SNX8: variants seen among roughly 807,000 people sequenced by gnomAD.
SNX8 encodes sorting nexin-8.
SNX8 carries 25 observed loss-of-function variants against 51.6 expected under a neutral mutation model. That is an observed-to-expected ratio of 0.48 (90% CI 0.35 to 0.68). SNX8 has a LOEUF of 0.68. Among genes scored for constraint, SNX8 ranks in the 30% least tolerant of loss-of-function variants. The probability of loss-of-function intolerance (pLI) is 0.00; values close to 1 mark genes in which losing one functional copy is unlikely to be tolerated. For missense variants in SNX8, 695 were observed against 624.0 expected (o/e 1.11, Z -1.21); for synonymous variants, 324 against 277.0 (o/e 1.17, Z -1.68).
chr7:2,272,201 C>A (rs7793514), intron 3 of SNX8, among the ~76,000 whole-genome samples: 4,532 of 152,238 alleles, frequency 0.03, 209 homozygotes, highest in African/African-American at 0.1. Context: ...GGTCCAGGAG[C>A]TGCCAAGGAA....
At chr7:2,313,053 G>A (rs557167960) in intron 1 of SNX8, among the ~76,000 whole-genome samples, 11 of 151,812 alleles carry the variant, frequency 7.2e-5, no homozygotes, top group South Asian at 2.1e-4. Flanking sequence ...GCCCGCCACC[G>A]CGCCTGGCTA....
At chr7:2,342,935 G>C (rs992874153) in intron 1 of SNX8, among the ~76,000 whole-genome samples, 7 of 151,718 alleles carry the variant, frequency 4.6e-5, no homozygotes, top group Non-Finnish European at 1.0e-4. Context: ...CAATTCTCCT[G>C]CCTCAGGCGC....
At chr7:2,298,855 C>G (rs1179405256) in intron 1 of SNX8, among the ~76,000 whole-genome samples, 2 of 151,028 alleles carry the variant, frequency 1.3e-5, no homozygotes, top group Non-Finnish European at 2.9e-5. Flanking sequence ...CCACGCCTAG[C>G]TAATTTTTTG....
intron 1 of SNX8, among the ~76,000 whole-genome samples, chr7:2,345,384 G>C (rs754922621): frequency 6.6e-6 from 1 of 152,082 alleles, no homozygotes; most frequent in Non-Finnish European, 1.5e-5. Context: ...AAATAAAACT[G>C]AGGAAATCTG....
At chr7:2,259,666 G>A (rs77610730) in intron 7 of SNX8, among the ~76,000 whole-genome samples, 1,947 of 152,328 alleles carry the variant, frequency 0.013, 23 homozygotes, top group South Asian at 0.038. Flanking sequence ...AGTAAAATGT[G>A]CCAGGAGAAG....
In SNX8 at chr7:2,278,314, G is replaced by A; in HGVS notation, c.95-9C>T. On this transcript the variant is annotated splice_polypyrimidine_tract_variant and intron_variant, in intron 1 of 10. Coordinates refer to ENST00000222990, the MANE Select transcript of SNX8 (RefSeq NM_013321.4). ...CTGGGGTGTCGGCAGATCTGCAGGGGAGATGGTGAATGACCAGTGAGAATA... is the reference window on the plus strand; with the variant it reads ...CTGGGGTGTCGGCAGATCTGCAGGGAAGATGGTGAATGACCAGTGAGAATA... 7 of 1,504,126 alleles carry A rather than the reference G, an allele frequency of 4.7e-6. No homozygotes were observed. The highest frequency in any genetic ancestry group is 6.4e-6 in the Non-Finnish European group (7 of 1,097,168). The allele number at this position is 1,504,126 out of a possible 1,614,324, so 93.2% of individuals were successfully genotyped here.
intron 1 of SNX8, among the ~76,000 whole-genome samples, chr7:2,284,101 T>C (rs1795968035): frequency 6.6e-6 from 1 of 152,102 alleles, no homozygotes; most frequent in African/African-American, 2.4e-5. Flanking sequence ...GGCTAATTTT[T>C]GTATTTTTAG....
chr7:2,346,301 T>C (rs566558192), intron 1 of SNX8, among the ~76,000 whole-genome samples: 6 of 151,636 alleles, frequency 4.0e-5, no homozygotes, highest in East Asian at 1.9e-4. Context: ...AGAAAACTAG[T>C]TGGGTATGGT....
chr7:2,343,612 T>C (rs1242939005), intron 1 of SNX8, among the ~76,000 whole-genome samples: 1 of 151,884 alleles, frequency 6.6e-6, no homozygotes, highest in South Asian at 2.1e-4. Flanking sequence ...GAGGCGGAGC[T>C]TGCAGTGAGC....
intron 7 of SNX8, among the ~76,000 whole-genome samples, chr7:2,258,852 A>T (rs991518441): frequency 3.3e-5 from 5 of 152,292 alleles, no homozygotes; most frequent in Admixed American, 6.5e-5. Context: ...GTGAGTGCAC[A>T]GCAAACGGCG....
chr7:2,266,666 C>CT (rs1043623373), intron 5 of SNX8, among the ~76,000 whole-genome samples: 2 of 151,424 alleles, frequency 1.3e-5, no homozygotes, highest in South Asian at 2.1e-4. Context: ...GTTTGTTTTG[C>CT]TTTTTTTTGT....
At position 2,255,160 on chromosome 7, in the gene SNX8, C is replaced by A; in HGVS notation, c.1294G>T (p.Val432Leu). The A allele has an allele frequency of 6.5e-7, 1 of 1,545,446 alleles. No homozygotes were observed. The highest frequency in any genetic ancestry group is 1.9e-5 in the Admixed American group (1 of 51,372). ...QIQGHKEMSK[V>L]WNDLRPKLSC... ...AGCTTGGGCCTCAGGTCGTTCCACA[C>A]CTTGCTCATCTGAAAGGGAAGCGAA... The change falls in exon 11 of 11, where the codon GTG becomes TTG. Residue 432 changes from valine to leucine, a missense_variant. By Grantham distance (32) the Val-to-Leu change is conservative. Coordinates refer to ENST00000222990, the MANE Select transcript of SNX8 (RefSeq NM_013321.4).
intron 1 of SNX8, among the ~76,000 whole-genome samples, chr7:2,328,493 T>C (rs1022581374): frequency 2.0e-5 from 3 of 149,984 alleles, no homozygotes; most frequent in African/African-American, 4.9e-5. Flanking sequence ...TGCCCAACCA[T>C]TGAATGCTTT....
chr7:2,282,848 A>G (rs1275214088), intron 1 of SNX8, among the ~76,000 whole-genome samples: 1 of 152,048 alleles, frequency 6.6e-6, no homozygotes, highest in Non-Finnish European at 1.5e-5. Flanking sequence ...ATGGCCAGGC[A>G]TGGTGGCTCA....
chr7:2,335,318 G>A (rs1778807097), intron 1 of SNX8, among the ~76,000 whole-genome samples: 1 of 152,144 alleles, frequency 6.6e-6, no homozygotes, highest in Non-Finnish European at 1.5e-5. Flanking sequence ...GTAAAAAGGG[G>A]CAAACTACAG....
At chr7:2,289,171 G>A (rs544434381) in intron 1 of SNX8, among the ~76,000 whole-genome samples, 3 of 152,198 alleles carry the variant, frequency 2.0e-5, no homozygotes, top group African/African-American at 4.8e-5. Context: ...GCGCCGCTGC[G>A]TGACTATGTG....
intron 1 of SNX8, among the ~76,000 whole-genome samples, chr7:2,297,287 A>C (rs1002666939): frequency 2.0e-5 from 3 of 151,870 alleles, no homozygotes; most frequent in African/African-American, 4.9e-5. Context: ...ATGGTGGCTC[A>C]CACCTGTAAT....
At chr7:2,272,047 A>T in intron 3 of SNX8, 76 bp from the exon 4 acceptor site, 2 of 1,588,532 alleles carry the variant, frequency 1.3e-6, no homozygotes, top group South Asian at 2.3e-5. Context: ...GAGTTCTCAA[A>T]ACTCTCCCTA....
intron 1 of SNX8, among the ~76,000 whole-genome samples, chr7:2,310,148 A>T (rs577843778): frequency 6.6e-6 from 1 of 152,060 alleles, no homozygotes; most frequent in Non-Finnish European, 1.5e-5. Context: ...CCATGTATTA[A>T]TCGATCCCGA....
Sources: allele counts gnomAD v4.1 joint callset (sites outside exome capture counted in the v4.1 genomes callset), GRCh38; gene constraint gnomAD v4.1.1; transcripts MANE v1.5; gene names NCBI Gene and HGNC (gene_info 2026-07-23, HGNC 2026-07-21).